Variants in GPC6 observed in about 807,000 individuals in gnomAD.
GPC6 encodes the protein glypican 6, also known as glypican-6.
Under a neutral mutation model 55.2 loss-of-function variants are expected in GPC6, and 14 were observed. The ratio of observed to expected loss-of-function variants is 0.25; its 90% CI spans 0.17 to 0.40. GPC6 has a LOEUF of 0.40. GPC6 is among the 10% of genes least tolerant of loss of function. The probability of loss-of-function intolerance (pLI) is 1.00; values close to 1 mark genes in which losing one functional copy is unlikely to be tolerated. For missense variants in GPC6, 641 were observed against 708.5 expected (o/e 0.90, Z 1.08); for synonymous variants, 278 against 259.6 (o/e 1.07, Z -0.68).
intron 2 of GPC6, among the ~76,000 whole-genome samples, chr13:93,642,706 C>T (rs1176514436): frequency 6.6e-5 from 10 of 151,996 alleles, no homozygotes; most frequent in South Asian, 2.1e-4. Context: ...TACAGAACAA[C>T]GATTTTTACT....
At chr13:93,381,327 G>A (rs1423519716) in intron 1 of GPC6, among the ~76,000 whole-genome samples, 1 of 152,046 alleles carries the variant, frequency 6.6e-6, no homozygotes, top group Non-Finnish European at 1.5e-5. Flanking sequence ...TCTTTACTAA[G>A]ATAATTTAGG....
intron 1 of GPC6, among the ~76,000 whole-genome samples, chr13:93,506,236 T>C (rs1880708781): frequency 6.6e-6 from 1 of 152,196 alleles, no homozygotes. Context: ...GAATGTATTC[T>C]AAGGTGGATT....
chr13:93,276,491 AGAGAGTGTGTGTGTGT>A (rs1214711889), intron 1 of GPC6, among the ~76,000 whole-genome samples: 583 of 128,646 alleles, frequency 4.5e-3, no homozygotes, highest in Middle Eastern at 8.7e-3. Context: ...AGAGAGAGAG[AGAGAGTGTGTGTGTGT>A]GTGTGTGTGT....
intron 3 of GPC6, among the ~76,000 whole-genome samples, chr13:93,876,840 A>T (rs572990421): frequency 6.6e-6 from 1 of 152,218 alleles, no homozygotes; most frequent in Non-Finnish European, 1.5e-5. Context: ...AATATTGCAC[A>T]TGGTTTTCAC....
At chr13:94,232,542 G>T (rs1030286240) in intron 4 of GPC6, among the ~76,000 whole-genome samples, 3 of 151,988 alleles carry the variant, frequency 2.0e-5, no homozygotes, top group African/African-American at 7.3e-5. Flanking sequence ...TTTTTGGGGG[G>T]GTGGGGCAGG....
At chr13:93,979,787 A>T (rs961270098) in intron 3 of GPC6, among the ~76,000 whole-genome samples, 2 of 152,140 alleles carry the variant, frequency 1.3e-5, no homozygotes, top group Non-Finnish European at 2.9e-5. Flanking sequence ...CAGATAGTTT[A>T]AAAAGTCCAT....
At chr13:93,902,895 G>A (rs1379140518) in intron 3 of GPC6, among the ~76,000 whole-genome samples, 1 of 151,896 alleles carries the variant, frequency 6.6e-6, no homozygotes, top group Admixed American at 6.6e-5. Context: ...GAGGTTTTTT[G>A]CTATTGAGTT....
rs1191431628 is a variant in GPC6 at position 94,403,550 on chromosome 13, T to TC, written c.*333_*334insC. On this transcript the variant is annotated 3_prime_UTR_variant, in exon 9 of 9. Transcript: ENST00000377047. ...ATCTCACGTTGTGAGGGTTTTTTTT[T>TC]TCTCATTTAAAATAAAAAAGGAAGA... 3.4e-6 allele frequency: 1 copy of TC among 296,786 alleles called. No individual in the cohort carries two copies. Among genetic ancestry groups the TC allele is most frequent in the African/African-American group, 2.2e-5 (1 of 46,468 alleles). The allele number at this position is 296,786 out of a possible 1,614,324, so 18.4% of individuals were successfully genotyped here.
intron 3 of GPC6, among the ~76,000 whole-genome samples, chr13:93,860,609 T>A (rs1888778502): frequency 6.6e-6 from 1 of 151,672 alleles, no homozygotes; most frequent in South Asian, 2.1e-4. Context: ...GATGTGATGA[T>A]GGACTTGGGG....
intron 1 of GPC6, among the ~76,000 whole-genome samples, chr13:93,240,799 GA>G (rs1281909022): frequency 6.6e-6 from 1 of 151,954 alleles, no homozygotes; most frequent in Non-Finnish European, 1.5e-5. Context: ...CTGATGTTTA[GA>G]ATTCCTTTGA....
chr13:94,117,452 A>G (rs895639907), intron 4 of GPC6, among the ~76,000 whole-genome samples: 7 of 152,138 alleles, frequency 4.6e-5, no homozygotes, highest in African/African-American at 1.4e-4. Flanking sequence ...GGCTTCTATC[A>G]TTGGTCTTAA....
chr13:93,837,962 C>T (rs1396039541), intron 3 of GPC6, among the ~76,000 whole-genome samples: 1 of 152,188 alleles, frequency 6.6e-6, no homozygotes, highest in Non-Finnish European at 1.5e-5. Context: ...AAGTACAAAG[C>T]AATGATTTGC....
At chr13:94,347,130 C>T (rs1878331067) in intron 6 of GPC6, among the ~76,000 whole-genome samples, 2 of 152,110 alleles carry the variant, frequency 1.3e-5, no homozygotes, top group Admixed American at 1.3e-4. Context: ...TATATTTGAG[C>T]ATTTCAGATG....
intron 2 of GPC6, among the ~76,000 whole-genome samples, chr13:93,779,067 A>G (rs1397540929): frequency 6.6e-6 from 1 of 152,186 alleles, no homozygotes; most frequent in African/African-American, 2.4e-5. Flanking sequence ...TTTATATTTT[A>G]AAAACATTTT....
intron 1 of GPC6, among the ~76,000 whole-genome samples, chr13:93,324,658 C>T (rs886957360): frequency 7.1e-6 from 1 of 141,134 alleles, no homozygotes; most frequent in Admixed American, 7.3e-5. Context: ...TACTATGTAC[C>T]CACTAAAATT....
At chr13:94,339,545 G>T (rs1273582862) in intron 6 of GPC6, among the ~76,000 whole-genome samples, 1 of 152,100 alleles carries the variant, frequency 6.6e-6, no homozygotes, top group South Asian at 2.1e-4. Flanking sequence ...GCAACTTAGG[G>T]TCACTGTTAT....
chr13:93,949,510 A>T (rs1879159171), intron 3 of GPC6, among the ~76,000 whole-genome samples: 1 of 152,208 alleles, frequency 6.6e-6, no homozygotes, highest in Admixed American at 6.5e-5. Flanking sequence ...TGTGTATATT[A>T]TACATGAGAA....
intron 4 of GPC6, among the ~76,000 whole-genome samples, chr13:94,246,657 G>A (rs1891204295): frequency 6.6e-6 from 1 of 151,982 alleles, no homozygotes; most frequent in Non-Finnish European, 1.5e-5. Context: ...TTGTTGAAAA[G>A]TAGTTGATTA....
intron 3 of GPC6, among the ~76,000 whole-genome samples, chr13:93,864,002 C>T (rs1385637821): frequency 4.0e-5 from 6 of 151,614 alleles, no homozygotes; most frequent in Admixed American, 4.0e-4. Context: ...CCCATCTTGC[C>T]TTTGTAGGGA....
Sources: gnomAD v4.1 joint callset for allele counts (sites outside exome capture counted in the v4.1 genomes callset) on GRCh38, gnomAD v4.1.1 for gene constraint, MANE v1.5 for transcripts, NCBI Gene and HGNC (gene_info 2026-07-23, HGNC 2026-07-21) for gene names.